The following DPP6 variants were observed in gnomAD, a reference collection of about 807,000 sequenced individuals.
DPP6 encodes the protein dipeptidyl peptidase like 6.
DPP6 carries 69 observed loss-of-function variants against 122.6 expected under a neutral mutation model. The ratio of observed to expected loss-of-function variants is 0.56; its 90% CI spans 0.46 to 0.69. DPP6 has a LOEUF of 0.69. DPP6 is among the 30% of genes least tolerant of loss of function. DPP6 has a pLI of 0.00. For synonymous variants in DPP6, 418 were observed against 433.1 expected (o/e 0.97, Z 0.43); for missense variants, 928 against 1,116.9 (o/e 0.83, Z 2.41).
chr7:154,881,831 C>T (rs758420117), intron 21 of DPP6, among the ~76,000 whole-genome samples: 23 of 152,278 alleles, frequency 1.5e-4, no homozygotes, highest in Admixed American at 7.8e-4. Flanking sequence ...GGAGGGCCGG[C>T]GGCTTCTCTC....
chr7:154,341,551 A>G (rs562783591), intron 1 of DPP6, among the ~76,000 whole-genome samples: 2 of 151,988 alleles, frequency 1.3e-5, no homozygotes, highest in East Asian at 3.9e-4. Context: ...AAGATATAAG[A>G]TTTTGATTCT....
chr7:154,147,113 C>T (rs531770744), intron 1 of DPP6, among the ~76,000 whole-genome samples: 222 of 152,306 alleles, frequency 1.5e-3, no homozygotes, highest in Non-Finnish European at 2.7e-3. Context: ...AAGGCCAGAA[C>T]ATTGTACTCT....
At chr7:154,332,893 GAA>G (rs1033202146) in intron 1 of DPP6, among the ~76,000 whole-genome samples, 5 of 152,286 alleles carry the variant, frequency 3.3e-5, no homozygotes, top group African/African-American at 1.2e-4. Flanking sequence ...CCATAATTGG[GAA>G]AGAGTAGAAA....
intron 1 of DPP6, among the ~76,000 whole-genome samples, chr7:154,332,680 T>A (rs988479284): frequency 6.6e-6 from 1 of 152,242 alleles, no homozygotes; most frequent in African/African-American, 2.4e-5. Flanking sequence ...GACAGTTGTT[T>A]GTTCATGGAT....
At chr7:154,688,941 T>G (rs2131206149) in intron 7 of DPP6, among the ~76,000 whole-genome samples, 1 of 152,354 alleles carries the variant, frequency 6.6e-6, no homozygotes, top group Admixed American at 6.5e-5. Context: ...TTCTATTGAT[T>G]TTGCATCCAG....
rs1805480586 is a variant in DPP6 at position 154,295,523 on chromosome 7, C to T, written c.244-150691C>T. 3.9e-5 allele frequency among the ~76,000 whole-genome samples: 6 copies of T among 152,160 alleles called. No individual in the cohort carries two copies. In the South Asian group the frequency reaches 1.2e-3, roughly 32 times the overall value. On this transcript the variant is annotated intron_variant, in intron 1 of 25. Coordinates refer to ENST00000377770, the MANE Select transcript of DPP6 (RefSeq NM_130797.4). ...TCAGTACATTTTATTTTGGCTTTCT[C>T]TGCCCTCACTTACAGGTGAGGGAAC...
At chr7:154,735,476 T>G (rs566152425) in intron 8 of DPP6, among the ~76,000 whole-genome samples, 1 of 152,250 alleles carries the variant, frequency 6.6e-6, no homozygotes. Flanking sequence ...TATGAGGTAC[T>G]GTGCAATGGA....
chr7:154,007,591 A>G (rs1797967886), intron 1 of DPP6, among the ~76,000 whole-genome samples: 1 of 152,224 alleles, frequency 6.6e-6, no homozygotes, highest in South Asian at 2.1e-4. Context: ...GGCCGCAAGT[A>G]CTTAGAGTGA....
chr7:153,902,200 A>G (rs1244796503), intron 1 of DPP6, among the ~76,000 whole-genome samples: 1 of 152,228 alleles, frequency 6.6e-6, no homozygotes, highest in Non-Finnish European at 1.5e-5. Context: ...AACCCATTAA[A>G]TACATGTTTT....
chr7:153,800,561 G>A, the DPP6 span, among the ~76,000 whole-genome samples: 3 of 152,066 alleles, frequency 2.0e-5, no homozygotes, highest in Non-Finnish European at 4.4e-5. Flanking sequence ...CTGTTGTCCA[G>A]GCTGGAATGT....
rs77554644 is a variant in DPP6, at chr7:154,348,665, G to A, written c.244-97549G>A. Among the ~76,000 whole-genome samples the A allele has an allele frequency of 6.8e-3, 1,032 of 152,102 alleles. 9 individuals carry two copies. Among genetic ancestry groups the A allele is most frequent in the African/African-American group, 0.023 (958 of 41,474 alleles). ...TCATTTCATTATCGTCACTCTTCTCGGTTGCATAATTGGAAGTTCTCTAAA... is the reference window on the plus strand; with the variant it reads ...TCATTTCATTATCGTCACTCTTCTCAGTTGCATAATTGGAAGTTCTCTAAA... On this transcript the variant is annotated intron_variant, in intron 1 of 25. Coordinates refer to ENST00000377770, the MANE Select transcript of DPP6 (RefSeq NM_130797.4).
chr7:154,271,625 A>C (rs940612886), intron 1 of DPP6, among the ~76,000 whole-genome samples: 1 of 152,160 alleles, frequency 6.6e-6, no homozygotes, highest in Non-Finnish European at 1.5e-5. Context: ...CAGTGGGACC[A>C]GCAAGCACCA....
At chr7:153,825,850 C>G in the DPP6 span, among the ~76,000 whole-genome samples, 1 of 152,178 alleles carries the variant, frequency 6.6e-6, no homozygotes, top group African/African-American at 2.4e-5. Context: ...CAGGAGCCAC[C>G]ACTCCTGGCC....
intron 3 of DPP6, among the ~76,000 whole-genome samples, chr7:154,489,403 T>C (rs1365116951): frequency 6.6e-6 from 1 of 152,202 alleles, no homozygotes; most frequent in Non-Finnish European, 1.5e-5. Context: ...CTGAGATTGG[T>C]GTAGACCTTT....
At chr7:154,889,133 A>G (rs1806396694) in intron 23 of DPP6, 139 bp from the exon 24 acceptor site, 3 of 1,360,716 alleles carry the variant, frequency 2.2e-6, no homozygotes, top group Non-Finnish European at 2.9e-6. Context: ...TTCTTTGCAG[A>G]TATAAGGCAT....
At chr7:154,279,139 A>G (rs1399103433) in intron 1 of DPP6, among the ~76,000 whole-genome samples, 1 of 143,616 alleles carries the variant, frequency 7.0e-6, no homozygotes, top group East Asian at 1.9e-4. Flanking sequence ...GTGTGTATCT[A>G]TGTGTGTGTG....
Position 154,804,930 on chromosome 7 carries a change from A to G in DPP6, c.1513A>G (p.Thr505Ala). The stretch of plus-strand genomic sequence containing the variant: ...TGATCTTTGCAGCTACTTCCTGAGC[A>G]CGGAGGACCTGCCTCGGAGACGACA... ...EKGNKIYFLS[T>A]EDLPRRRQLY... Residue 505 changes from threonine (T) to alanine (A), a missense_variant, in exon 15 of 26, where the codon ACG becomes GCG. Physicochemically the swap from Thr to Ala is moderately conservative, Grantham distance 58 (BLOSUM62 0). Coordinates refer to ENST00000377770, the MANE Select transcript of DPP6 (RefSeq NM_130797.4). 6.2e-7 allele frequency: 1 copy of G among 1,603,116 alleles called. No individual in the cohort carries two copies. The highest frequency in any genetic ancestry group is 8.5e-7 in the Non-Finnish European group (1 of 1,174,638).
intron 5 of DPP6, among the ~76,000 whole-genome samples, chr7:154,617,467 A>G (rs1359163770): frequency 6.6e-6 from 1 of 152,214 alleles, no homozygotes; most frequent in African/African-American, 2.4e-5. Flanking sequence ...AATAGGTCAT[A>G]TCAGATGGCC....
the DPP6 span, among the ~76,000 whole-genome samples, chr7:153,788,920 G>A: frequency 8.6e-5 from 13 of 151,460 alleles, no homozygotes; most frequent in East Asian, 2.1e-3. Flanking sequence ...AGATGAGATC[G>A]TGCCTCTGTA....
Sources: gnomAD v4.1 joint callset for allele counts (sites outside exome capture counted in the v4.1 genomes callset) on GRCh38, gnomAD v4.1.1 for gene constraint, MANE v1.5 for transcripts, NCBI Gene and HGNC (gene_info 2026-07-23, HGNC 2026-07-21) for gene names.